Variants in LYPD6B observed in about 807,000 individuals in gnomAD.
LYPD6B encodes ly6/PLAUR domain-containing protein 6B.
LYPD6B carries 17 observed loss-of-function variants against 22.8 expected under a neutral mutation model. That is an observed-to-expected ratio of 0.75 (90% CI 0.51 to 1.12). The LOEUF is 1.12. Among genes scored for constraint, LYPD6B ranks in the 50% most tolerant of loss-of-function variants. The pLI is 0.00. For synonymous variants in LYPD6B, 106 were observed against 91.6 expected (o/e 1.16, Z -0.90); for missense variants, 221 against 258.3 (o/e 0.86, Z 0.99).
intron 1 of LYPD6B, among the ~76,000 whole-genome samples, chr2:149,098,275 G>T (rs1000914955): frequency 7.9e-5 from 12 of 152,108 alleles, no homozygotes; most frequent in Non-Finnish European, 1.5e-4. Flanking sequence ...GATCCATGTT[G>T]TTGAAATCTG....
chr2:149,202,847 A>G (rs1357709719), intron 3 of LYPD6B, among the ~76,000 whole-genome samples: 3 of 152,174 alleles, frequency 2.0e-5, no homozygotes. Flanking sequence ...AAATTAGCAA[A>G]ATTCCACACA....
intron 1 of LYPD6B, among the ~76,000 whole-genome samples, chr2:149,129,907 C>T (rs1687920175): frequency 6.9e-6 from 1 of 145,680 alleles, no homozygotes; most frequent in Admixed American, 6.9e-5. Context: ...GGCGTGGTGT[C>T]TGGGAAGGAA....
intron 2 of LYPD6B, among the ~76,000 whole-genome samples, chr2:149,139,639 A>G (rs1688567660): frequency 6.6e-6 from 1 of 152,208 alleles, no homozygotes; most frequent in Non-Finnish European, 1.5e-5. Context: ...AAGTTTAAGT[A>G]TTAGAGGAGC....
At chr2:149,149,373 A>G (rs1265044046) in intron 2 of LYPD6B, among the ~76,000 whole-genome samples, 1 of 152,010 alleles carries the variant, frequency 6.6e-6, no homozygotes, top group African/African-American at 2.4e-5. Flanking sequence ...TCTTTCATTC[A>G]TAGTTTATTG....
intron 3 of LYPD6B, among the ~76,000 whole-genome samples, chr2:149,198,447 T>C (rs1692958047): frequency 6.6e-6 from 1 of 152,204 alleles, no homozygotes; most frequent in Non-Finnish European, 1.5e-5. Flanking sequence ...GAAATGTAGT[T>C]GAAGAGCTGT....
Position 149,130,872 on chromosome 2 carries a change from C to A in LYPD6B, c.-66-11C>A, listed in dbSNP as rs752160294. On this transcript the variant is annotated splice_polypyrimidine_tract_variant and intron_variant, in intron 1 of 6. Coordinates refer to ENST00000409642, the MANE Select transcript of LYPD6B (RefSeq NM_177964.5). ...AGTCATAATGATACCTTTTCATGTT[C>A]ATTTGTTTAGATATGCCACACTTCT... is the stretch of plus-strand genomic sequence containing the variant. The A allele has an allele frequency of 1.9e-6, 2 of 1,075,698 alleles. No homozygotes were observed. The highest frequency in any genetic ancestry group is 2.4e-5 in the East Asian group (1 of 42,412). The allele number at this position is 1,075,698 out of a possible 1,614,324, so 66.6% of individuals were successfully genotyped here.
intron 3 of LYPD6B, among the ~76,000 whole-genome samples, chr2:149,185,594 C>T (rs72859067): frequency 0.2 from 30,267 of 152,170 alleles, 3,492 homozygotes; most frequent in Non-Finnish European, 0.26. Context: ...AGGCAAATGA[C>T]ATGAATGACC....
chr2:149,187,289 C>G, intron 3 of LYPD6B: 1 of 918,464 alleles, frequency 1.1e-6, no homozygotes, highest in Non-Finnish European at 1.5e-6. Flanking sequence ...TTGTATAAGC[C>G]CAGAATTTGA....
At chr2:149,177,422 C>T (rs186258221) in intron 3 of LYPD6B, among the ~76,000 whole-genome samples, 2 of 152,334 alleles carry the variant, frequency 1.3e-5, no homozygotes, top group Admixed American at 6.5e-5. Context: ...GTTACCTTAG[C>T]TCTGCTCCCA....
chr2:149,206,294 C>T (rs1317432780), intron 4 of LYPD6B: 2 of 239,044 alleles, frequency 8.4e-6, no homozygotes, highest in East Asian at 1.9e-4. Flanking sequence ...AGAACCCCCT[C>T]TTCTTATACT....
chr2:149,214,000 ACCTGAAAACATCC>A (rs971058108), intron 6 of LYPD6B, among the ~76,000 whole-genome samples: 1 of 152,174 alleles, frequency 6.6e-6, no homozygotes, highest in African/African-American at 2.4e-5. Flanking sequence ...GTTTGGTATT[ACCTGAAAACATCC>A]CCTGAAAACA....
chr2:149,168,749 T>C (rs1690609311), intron 3 of LYPD6B, among the ~76,000 whole-genome samples: 1 of 152,188 alleles, frequency 6.6e-6, no homozygotes, highest in South Asian at 2.1e-4. Context: ...GTTTGGACAA[T>C]AATATAACCT....
intron 3 of LYPD6B, among the ~76,000 whole-genome samples, chr2:149,179,557 A>G (rs4667348): frequency 0.86 from 131,096 of 152,238 alleles, 57,250 homozygotes; most frequent in South Asian, 0.97. Context: ...GTTTCTGTTA[A>G]CAGTGTTGGT....
At chr2:149,075,475 A>G (rs1264439564) in intron 1 of LYPD6B, among the ~76,000 whole-genome samples, 1 of 151,408 alleles carries the variant, frequency 6.6e-6, no homozygotes, top group Non-Finnish European at 1.5e-5. Context: ...AAATCTGTTC[A>G]TGTGATGAAG....
intron 2 of LYPD6B, chr2:149,142,209 T>G (rs1688737606): frequency 6.6e-6 from 1 of 152,148 alleles, no homozygotes; most frequent in Non-Finnish European, 1.5e-5. Context: ...TATTAAAAGC[T>G]CCCCGGGTGA....
chr2:149,145,428 G>C (rs561540043), intron 2 of LYPD6B, among the ~76,000 whole-genome samples: 1 of 152,182 alleles, frequency 6.6e-6, no homozygotes, highest in Non-Finnish European at 1.5e-5. Context: ...ACACAAGCCC[G>C]GGTGCGAGAG....
At chr2:149,052,830 T>A (rs754420535) in intron 1 of LYPD6B, among the ~76,000 whole-genome samples, 2 of 152,230 alleles carry the variant, frequency 1.3e-5, no homozygotes, top group Admixed American at 6.5e-5. Context: ...TAAACATTTA[T>A]GTTTATTATG....
chr2:149,050,689 C>G (rs566254186), intron 1 of LYPD6B, among the ~76,000 whole-genome samples: 1 of 152,222 alleles, frequency 6.6e-6, no homozygotes, highest in South Asian at 2.1e-4. Context: ...ATACATTTCT[C>G]CTAGAATTTG....
At chr2:149,144,485 A>G (rs1688890951) in intron 2 of LYPD6B, among the ~76,000 whole-genome samples, 1 of 152,112 alleles carries the variant, frequency 6.6e-6, no homozygotes, top group African/African-American at 2.4e-5. Flanking sequence ...TCCACCTCCC[A>G]GGTTCAAGCG....
Sources: allele counts gnomAD v4.1 joint callset (sites outside exome capture counted in the v4.1 genomes callset), GRCh38; gene constraint gnomAD v4.1.1; transcripts MANE v1.5; gene names NCBI Gene and HGNC (gene_info 2026-07-23, HGNC 2026-07-21).